Variants in SLC30A7 observed in about 807,000 individuals in gnomAD.
SLC30A7 encodes solute carrier family 30 member 7, also known as zinc transporter 7.
A neutral mutation model predicts 46.0 loss-of-function variants in SLC30A7; 35 were observed. The observed-to-expected ratio is 0.76, with a 90% CI of 0.58 to 1.01. The LOEUF is 1.01. Among genes scored for constraint, SLC30A7 ranks in the 50% least tolerant of loss-of-function variants. The pLI is 0.00. For missense variants in SLC30A7, 464 were observed against 451.1 expected, an observed-to-expected ratio of 1.03 and a Z score of -0.26; for synonymous variants, 147 against 157.8, an observed-to-expected ratio of 0.93 and a Z score of 0.51.
chr1:100,906,229 T>G (rs1196270745), intron 2 of SLC30A7, among the ~76,000 whole-genome samples: 1 of 152,218 alleles, frequency 6.6e-6, no homozygotes, highest in East Asian at 1.9e-4. Context: ...TTTTAGCAAG[T>G]TCTGCACATA....
chr1:100,917,693 C>G (rs551744007), intron 6 of SLC30A7, among the ~76,000 whole-genome samples: 1 of 152,298 alleles, frequency 6.6e-6, no homozygotes, highest in South Asian at 2.1e-4. Flanking sequence ...GTCAAGTTAT[C>G]TTTCTATCCT....
chr1:100,931,159 A>G (rs961831799), intron 8 of SLC30A7, among the ~76,000 whole-genome samples: 3 of 152,182 alleles, frequency 2.0e-5, no homozygotes, highest in African/African-American at 7.2e-5. Flanking sequence ...CTAATTATGT[A>G]AGAATATCAT....
intron 6 of SLC30A7, among the ~76,000 whole-genome samples, chr1:100,914,930 T>TA (rs879277074): frequency 4.1e-4 from 60 of 144,820 alleles, no homozygotes; most frequent in East Asian, 1.4e-3. Context: ...AGACTCTGTC[T>TA]AAAAAAAAAA....
At chr1:100,905,096 T>C (rs1158005300) in intron 2 of SLC30A7, among the ~76,000 whole-genome samples, 1 of 152,148 alleles carries the variant, frequency 6.6e-6, no homozygotes, top group African/African-American at 2.4e-5. Flanking sequence ...ACAAATAATA[T>C]GTCATTTCAT....
chr1:100,924,386 A>T (rs1344507353), intron 8 of SLC30A7, among the ~76,000 whole-genome samples: 1 of 151,884 alleles, frequency 6.6e-6, no homozygotes, highest in Non-Finnish European at 1.5e-5. Context: ...CTTATACTTC[A>T]TGTCTTTCTT....
chr1:100,970,083 G>GATCAC (rs1327554335), intron 10 of SLC30A7, among the ~76,000 whole-genome samples: 1 of 151,840 alleles, frequency 6.6e-6, no homozygotes, highest in Non-Finnish European at 1.5e-5. Flanking sequence ...CTCCCTTTTC[G>GATCAC]ATCACATAGA....
At chr1:100,922,055 G>A (rs1231701222) in intron 8 of SLC30A7, among the ~76,000 whole-genome samples, 1 of 149,992 alleles carries the variant, frequency 6.7e-6, no homozygotes, top group Non-Finnish European at 1.5e-5. Context: ...CTGGGTTGAA[G>A]CAATTCTCCT....
Position 100,906,870 on chromosome 1 carries a change from C to A in SLC30A7, c.201C>A (p.Asp67Glu). Residue 67 changes from aspartate (D) to glutamate (E), a missense_variant, in exon 3 of 11, where the codon GAC becomes GAA. Transcript: ENST00000357650. ...IWSNCLGLISDSFHMFFDSTA... is the reference protein window; with the variant it reads ...IWSNCLGLISESFHMFFDSTA... ...TTTCCAGCTTAGGCTTGATTTCCGACTCTTTTCACATGTTTTTCGATAGCA... is the reference window on the plus strand; with the variant it reads ...TTTCCAGCTTAGGCTTGATTTCCGAATCTTTTCACATGTTTTTCGATAGCA... 6.2e-7 allele frequency: 1 copy of A among 1,612,856 alleles called. No homozygotes were observed. The highest frequency in any genetic ancestry group is 8.5e-7 in the Non-Finnish European group (1 of 1,179,132).
At chr1:100,900,376 G>A (rs1651237329) in intron 2 of SLC30A7, among the ~76,000 whole-genome samples, 2 of 152,092 alleles carry the variant, frequency 1.3e-5, no homozygotes, top group African/African-American at 4.8e-5. Flanking sequence ...CATTTATTTG[G>A]TTCTACTTCA....
At chr1:100,989,674 T>C in the SLC30A7 span, 2 of 152,334 alleles carry the variant, frequency 1.3e-5, no homozygotes, top group East Asian at 3.9e-4. Context: ...ACTCATAACA[T>C]TTTTTACCCT....
chr1:100,922,229 G>T (rs1314409974), intron 8 of SLC30A7, among the ~76,000 whole-genome samples: 1 of 152,040 alleles, frequency 6.6e-6, no homozygotes, highest in African/African-American at 2.4e-5. Flanking sequence ...GCCTCTGAAA[G>T]CGCTGGGATT....
At chr1:100,925,349 C>T (rs1162420738) in intron 8 of SLC30A7, among the ~76,000 whole-genome samples, 1 of 152,104 alleles carries the variant, frequency 6.6e-6, no homozygotes, top group African/African-American at 2.4e-5. Flanking sequence ...GATTTTATTC[C>T]AAGTGCAATG....
intron 7 of SLC30A7, 42 bp downstream of exon 7, chr1:100,918,169 G>A: frequency 6.6e-7 from 1 of 1,514,456 alleles, no homozygotes; most frequent in Non-Finnish European, 9.1e-7. Flanking sequence ...TTTTGAAACT[G>A]CTTTTATAGT....
At chr1:100,902,940 G>A (rs562534119) in intron 2 of SLC30A7, among the ~76,000 whole-genome samples, 1 of 152,074 alleles carries the variant, frequency 6.6e-6, no homozygotes, top group Non-Finnish European at 1.5e-5. Context: ...CTAAATAATA[G>A]TGAAATAGAT....
chr1:100,992,312 T>G, the SLC30A7 span, among the ~76,000 whole-genome samples: 1 of 152,056 alleles, frequency 6.6e-6, no homozygotes, highest in Admixed American at 6.5e-5. Flanking sequence ...CACCATTGAT[T>G]AGGGATAACA....
intron 6 of SLC30A7, among the ~76,000 whole-genome samples, chr1:100,915,193 T>TTTTCTTCCTTTC: frequency 1.1e-5 from 1 of 90,858 alleles, no homozygotes; most frequent in African/African-American, 4.5e-5. Context: ...CTTTTCTTTC[T>TTTTCTTCCTTTC]TTTCTTTCTT....
rs200148833 is a variant in SLC30A7, at chr1:100,961,895, A to G, written c.910A>G (p.Ser304Gly). Residue 304 changes from serine (S) to glycine (G), a missense_variant, in exon 9 of 11, where the codon AGT (serine) becomes GGT (glycine). Physicochemically the swap from Ser to Gly is moderately conservative, Grantham distance 56. Coordinates refer to ENST00000357650, the MANE Select transcript of SLC30A7 (RefSeq NM_133496.5). ...GAGAACTCCTCCCCTATTAGAAAAT[A>G]GTCTGCCTCAGTGCTATCAGAGGGT... ...MQRTPPLLENSLPQCYQRVQQ... is the reference protein window; with the variant it reads ...MQRTPPLLENGLPQCYQRVQQ... The G allele has an allele frequency of 8.1e-6, 13 of 1,604,658 alleles. No homozygotes were observed. The highest frequency in any genetic ancestry group is 1.1e-5 in the Non-Finnish European group (13 of 1,173,512).
At chr1:100,937,612 A>G (rs775634826) in intron 8 of SLC30A7, among the ~76,000 whole-genome samples, 16 of 152,012 alleles carry the variant, frequency 1.1e-4, no homozygotes, top group Non-Finnish European at 1.9e-4. Context: ...GCCATTTTGT[A>G]TATCTTTGGG....
At chr1:100,936,638 A>G (rs1389613895) in intron 8 of SLC30A7, among the ~76,000 whole-genome samples, 1 of 152,228 alleles carries the variant, frequency 6.6e-6, no homozygotes, top group Non-Finnish European at 1.5e-5. Context: ...TATACAGTTC[A>G]GTGGCATTAA....
Sources: allele counts gnomAD v4.1 joint callset (sites outside exome capture counted in the v4.1 genomes callset), GRCh38; gene constraint gnomAD v4.1.1; transcripts MANE v1.5; gene names NCBI Gene and HGNC (gene_info 2026-07-23, HGNC 2026-07-21).